ZPBP: variants seen among roughly 807,000 people sequenced by gnomAD.
ZPBP encodes the protein zona pellucida-binding protein 1.
ZPBP carries 26 observed loss-of-function variants against 44.8 expected under a neutral mutation model. The ratio of observed to expected loss-of-function variants is 0.58; its 90% CI spans 0.43 to 0.81. ZPBP has a LOEUF of 0.81. Ranked by LOEUF, ZPBP falls within the 30% of genes least tolerant of loss-of-function variation. The pLI is 0.00. For missense variants in ZPBP, 409 were observed against 434.0 expected (o/e 0.94, Z 0.51); for synonymous variants, 174 against 153.2 (o/e 1.14, Z -1.00).
At position 50,081,880 on chromosome 7, in the gene ZPBP, G is replaced by A. The variant is rs764865509; in HGVS notation, c.228C>T (p.Leu76=). The stretch of plus-strand genomic sequence containing the variant: ...ATAACACGTGTGGACTCTTTTGATG[G>A]AGCATGACATACGCTTTCACTGAAA... ...TSFPVKAYVM[L]HQKSPHVLCV... is the part of the protein sequence containing the mutation. Residue 76 remains leucine, a synonymous_variant, in exon 3 of 8, where the codon CTC becomes CTT. Coordinates refer to ENST00000046087, the MANE Select transcript of ZPBP (RefSeq NM_007009.3). 23 of 1,611,058 alleles carry A rather than the reference G, an allele frequency of 1.4e-5. No individual in the cohort carries two copies. The highest frequency in any genetic ancestry group is 1.8e-5 in the Non-Finnish European group (21 of 1,177,982).
chr7:49,995,280 T>C (rs1797771115), intron 6 of ZPBP, among the ~76,000 whole-genome samples: 1 of 152,196 alleles, frequency 6.6e-6, no homozygotes, highest in Non-Finnish European at 1.5e-5. Context: ...GGGGAGTTGA[T>C]ATTCTTCTGA....
intron 7 of ZPBP, among the ~76,000 whole-genome samples, chr7:49,950,010 T>C (rs1234447520): frequency 6.6e-6 from 1 of 151,900 alleles, no homozygotes; most frequent in Non-Finnish European, 1.5e-5. Flanking sequence ...CAATATTAGA[T>C]AAAGACCTTT....
intron 2 of ZPBP, among the ~76,000 whole-genome samples, chr7:49,859,779 T>G (rs1477290972): frequency 8.3e-6 from 1 of 120,538 alleles, no homozygotes; most frequent in East Asian, 2.6e-4. Context: ...TGTCTTACAG[T>G]GCGCGTGCGT....
At position 49,877,491 on chromosome 7, in the gene ZPBP, T is replaced by A. The variant is rs746253435; in HGVS notation, n.509+23627A>T. 5.3e-3 allele frequency among the ~76,000 whole-genome samples: 189 copies of A among 35,652 alleles called. 38 individuals are homozygous for A. In the East Asian group the frequency reaches 0.059, roughly 11 times the overall value. 23.4% of individuals were successfully genotyped at this position (35,652 alleles called of 152,430 possible). ...AAAAAAAAAAAAAAAAATATATATATATATATATATATATATATATATATA... is the reference window on the plus strand; with the variant it reads ...AAAAAAAAAAAAAAAAATATATATAAATATATATATATATATATATATATA... On this transcript the variant is annotated intron_variant and non_coding_transcript_variant, in intron 2 of 2. Transcript: ENST00000465922.
At chr7:50,063,154 G>C (rs1801331608) in intron 3 of ZPBP, among the ~76,000 whole-genome samples, 1 of 152,190 alleles carries the variant, frequency 6.6e-6, no homozygotes, top group African/African-American at 2.4e-5. Flanking sequence ...TAGAGACACA[G>C]GGTCTTCACA....
intron 2 of ZPBP, among the ~76,000 whole-genome samples, chr7:49,895,281 T>A (rs1359286451): frequency 1.3e-5 from 2 of 152,176 alleles, no homozygotes; most frequent in African/African-American, 2.4e-5. Flanking sequence ...TCATGAGGGC[T>A]CTGCCCTCAT....
intron 7 of ZPBP, among the ~76,000 whole-genome samples, chr7:49,959,253 A>C (rs1435905234): frequency 1.1e-5 from 1 of 90,034 alleles, no homozygotes; most frequent in Non-Finnish European, 2.2e-5. Context: ...TAGTCATTGC[A>C]ATAAAGCAAG....
intron 5 of ZPBP, among the ~76,000 whole-genome samples, chr7:50,026,604 C>T (rs1601033): frequency 0.49 from 74,830 of 151,586 alleles, 19,020 homozygotes; most frequent in East Asian, 0.67. Context: ...AAAATAGATG[C>T]CCCTTTATCA....
At chr7:49,892,595 T>C (rs1433343703) in intron 2 of ZPBP, among the ~76,000 whole-genome samples, 4 of 152,182 alleles carry the variant, frequency 2.6e-5, no homozygotes, top group Non-Finnish European at 5.9e-5. Flanking sequence ...TTGATTTGTG[T>C]TGCAGTTTCA....
At chr7:50,045,099 C>G (rs1019297624) in intron 4 of ZPBP, among the ~76,000 whole-genome samples, 1 of 152,102 alleles carries the variant, frequency 6.6e-6, no homozygotes, top group African/African-American at 2.4e-5. Context: ...AAATACAACA[C>G]CCCTTTATGC....
chr7:50,069,112 C>T (rs529593965), intron 3 of ZPBP, among the ~76,000 whole-genome samples: 5 of 152,292 alleles, frequency 3.3e-5, no homozygotes, highest in African/African-American at 1.2e-4. Context: ...ACTTTAATTT[C>T]CCTGAGCCCT....
chr7:50,053,193 C>T (rs916314757), intron 4 of ZPBP, among the ~76,000 whole-genome samples: 1 of 152,128 alleles, frequency 6.6e-6, no homozygotes, highest in Non-Finnish European at 1.5e-5. Flanking sequence ...GTAATGAATA[C>T]ATGTGATCTG....
chr7:49,896,450 TA>T (rs1261384385), intron 2 of ZPBP, among the ~76,000 whole-genome samples: 3 of 152,072 alleles, frequency 2.0e-5, no homozygotes, highest in Non-Finnish European at 4.4e-5. Flanking sequence ...AAAAAATTCC[TA>T]AATCAATAAT....
At position 49,937,593 on chromosome 7, in the gene ZPBP, G is replaced by C. The variant is rs748048284; in HGVS notation, c.991C>G (p.Arg331Gly). Residue 331 changes from arginine to glycine, a missense_variant, in exon 8 of 8, where the codon CGT (arginine) becomes GGT (glycine). Around this residue, in one of 2 missense-constraint regions of ZPBP, gnomAD observed 42 missense variants for 71.0 expected, o/e 0.59. Transcript: ENST00000046087. ...CATTGAAGGCAATGAATTCCATCACGGGGGTTATATGATCCAGGGCTGCAG... is the reference window on the plus strand; with the variant it reads ...CATTGAAGGCAATGAATTCCATCACCGGGGTTATATGATCCAGGGCTGCAG... ...VICSPGSYNP[R>G]DGIHCLQCNS... 2.5e-6 allele frequency: 4 copies of C among 1,613,590 alleles called. No individual in the cohort carries two copies. Among genetic ancestry groups the C allele is most frequent in the Non-Finnish European group, 3.4e-6 (4 of 1,179,792 alleles).
intron 4 of ZPBP, among the ~76,000 whole-genome samples, chr7:50,042,434 C>T (rs1277834075): frequency 6.6e-6 from 1 of 151,990 alleles, no homozygotes; most frequent in African/African-American, 2.4e-5. Flanking sequence ...TCAGGTTACC[C>T]ACAAAGGCGA....
intron 7 of ZPBP, among the ~76,000 whole-genome samples, chr7:49,959,896 T>G (rs1443701833): frequency 6.6e-6 from 1 of 152,184 alleles, no homozygotes; most frequent in Non-Finnish European, 1.5e-5. Context: ...ATAACAGACA[T>G]AGATGAATGG....
At chr7:50,062,440 G>A (rs533917127) in intron 3 of ZPBP, among the ~76,000 whole-genome samples, 30 of 152,280 alleles carry the variant, frequency 2.0e-4, no homozygotes, top group African/African-American at 7.2e-4. Flanking sequence ...CAGGGCTATA[G>A]TAACTAAAAG....
chr7:49,862,010 A>T (rs1395058724), intron 2 of ZPBP, among the ~76,000 whole-genome samples: 1 of 152,186 alleles, frequency 6.6e-6, no homozygotes, highest in African/African-American at 2.4e-5. Flanking sequence ...CCATTTCCAT[A>T]AAAAATGGTT....
At chr7:49,943,648 G>A (rs1054523617) in intron 7 of ZPBP, 3 of 307,906 alleles carry the variant, frequency 9.7e-6, no homozygotes, top group African/African-American at 4.5e-5. Flanking sequence ...TGTTGCCCAG[G>A]TTGCAACAAG....
Sources: allele counts gnomAD v4.1 joint callset (sites outside exome capture counted in the v4.1 genomes callset), GRCh38; gene constraint gnomAD v4.1.1; regional missense constraint gnomAD v4.1.1; transcripts MANE v1.5; gene names NCBI Gene and HGNC (gene_info 2026-07-23, HGNC 2026-07-21).